PIP4P2: variants seen among roughly 807,000 people sequenced by gnomAD.
PIP4P2 encodes type 2 phosphatidylinositol 4,5-bisphosphate 4-phosphatase.
In PIP4P2, 19 loss-of-function variants were observed where a neutral mutation model predicts 33.3. That is an observed-to-expected ratio of 0.57 (90% CI 0.40 to 0.84). The LOEUF is 0.84. Among genes scored for constraint, PIP4P2 ranks in the 40% least tolerant of loss-of-function variants. The probability of loss-of-function intolerance (pLI) is 0.00; values close to 1 mark genes in which losing one functional copy is unlikely to be tolerated. For missense variants in PIP4P2, 270 were observed against 324.7 expected, an observed-to-expected ratio of 0.83 and a Z score of 1.29; for synonymous variants, 110 against 111.9, an observed-to-expected ratio of 0.98 and a Z score of 0.11.
At chr8:91,008,273 G>C (rs777286607) in intron 5 of PIP4P2, among the ~76,000 whole-genome samples, 5 of 151,956 alleles carry the variant, frequency 3.3e-5, no homozygotes, top group Non-Finnish European at 7.4e-5. Flanking sequence ...TAGGAATAGA[G>C]AGAAATAGGC....
At chr8:91,006,224 G>A (rs1811760992) in intron 5 of PIP4P2, among the ~76,000 whole-genome samples, 1 of 152,202 alleles carries the variant, frequency 6.6e-6, no homozygotes, top group African/African-American at 2.4e-5. Context: ...AGCTAGGAGT[G>A]TTCATGTGGT....
At chr8:91,027,799 T>C (rs977146008) in intron 1 of PIP4P2, among the ~76,000 whole-genome samples, 1 of 152,138 alleles carries the variant, frequency 6.6e-6, no homozygotes, top group Non-Finnish European at 1.5e-5. Flanking sequence ...CAATCAAAGG[T>C]ATACAGAGTT....
chr8:91,022,647 G>C (rs1812027388), intron 1 of PIP4P2, among the ~76,000 whole-genome samples: 1 of 152,056 alleles, frequency 6.6e-6, no homozygotes, highest in Non-Finnish European at 1.5e-5. Context: ...TTGAAATAAA[G>C]GTTTTCTATC....
At chr8:91,033,839 G>A (rs1388117049) in intron 1 of PIP4P2, among the ~76,000 whole-genome samples, 1 of 152,204 alleles carries the variant, frequency 6.6e-6, no homozygotes, top group East Asian at 1.9e-4. Flanking sequence ...GAGTACAATG[G>A]CACAATCGCA....
intron 5 of PIP4P2, among the ~76,000 whole-genome samples, chr8:91,003,923 T>C (rs537357641): frequency 1.3e-5 from 2 of 150,740 alleles, no homozygotes; most frequent in East Asian, 2.0e-4. Flanking sequence ...TTAGTCAGGG[T>C]TCTCCAGAAA....
chr8:91,034,808 A>T (rs920047762), intron 1 of PIP4P2, among the ~76,000 whole-genome samples: 1 of 152,230 alleles, frequency 6.6e-6, no homozygotes, highest in Admixed American at 6.5e-5. Context: ...CAATCCACAG[A>T]CAACCTTATA....
chr8:91,029,840 G>A (rs748422359), intron 1 of PIP4P2, among the ~76,000 whole-genome samples: 197 of 152,106 alleles, frequency 1.3e-3, no homozygotes, highest in Admixed American at 2.8e-3. Context: ...GGTGGCGGGC[G>A]CCTGTAGTTC....
intron 1 of PIP4P2, among the ~76,000 whole-genome samples, chr8:91,026,791 C>T (rs564213450): frequency 6.6e-6 from 1 of 152,116 alleles, no homozygotes; most frequent in East Asian, 1.9e-4. Flanking sequence ...AAATGCTATG[C>T]CAAACTCCTT....
Position 91,018,515 on chromosome 8 carries a change from T to C in PIP4P2, c.363-2A>G, listed in dbSNP as rs369556779. On this transcript the variant is annotated splice_acceptor_variant, in intron 3 of 6. Transcript: ENST00000285419. LOFTEE classifies it high-confidence loss of function. ...GGGCCAAGGTTAATTATCCGTCTAC[T>C]GTGAAAAGAGAAAGGAAACAACTTC... The C allele has an allele frequency of 4.3e-6, 7 of 1,611,878 alleles. No homozygotes were observed. The highest frequency in any genetic ancestry group is 2.7e-5 in the African/African-American group (2 of 73,806).
chr8:91,021,111 G>T, intron 2 of PIP4P2, 145 bp downstream of exon 2: 1 of 940,290 alleles, frequency 1.1e-6, no homozygotes, highest in Non-Finnish European at 1.5e-6. Context: ...TGATGAAAGA[G>T]AGACAGAAGA....
chr8:91,033,123 T>C (rs1045382379), intron 1 of PIP4P2, among the ~76,000 whole-genome samples: 1 of 152,250 alleles, frequency 6.6e-6, no homozygotes. Context: ...AAAATGCTAC[T>C]GTACATTTAA....
In PIP4P2 at chr8:91,020,225, T is replaced by C. The variant is rs1811987661; in HGVS notation, c.294A>G (p.Arg98=). ...AAATGAGAAGACAATTACAAGGGCA[T>C]CTAACATATTTCTTGCCTGTTGGGG... ...KNPPTGKKYV[R]CPCNCLLICK... is the part of the protein sequence containing the mutation. The change falls in exon 3 of 7, where the codon AGA becomes AGG. Residue 98 remains arginine (R), a synonymous_variant. Transcript: ENST00000285419. 1 of 1,613,668 alleles carries C rather than the reference T, an allele frequency of 6.2e-7. No homozygotes were observed. The highest frequency in any genetic ancestry group is 8.5e-7 in the Non-Finnish European group (1 of 1,179,812).
chr8:91,040,638 C>T lies in PIP4P2; in HGVS notation c.106+6G>A, dbSNP rs1812292801. The T allele has an allele frequency of 5.6e-6, 9 of 1,613,612 alleles. No individual in the cohort carries two copies. Among genetic ancestry groups the T allele is most frequent in the Non-Finnish European group, 7.6e-6 (9 of 1,179,990 alleles). ...TGCAAAGTAGAGGGATCTACGCTGGCCTTACCTCTGGGGCTGCTTTCTTGC... is the reference window on the plus strand; with the variant it reads ...TGCAAAGTAGAGGGATCTACGCTGGTCTTACCTCTGGGGCTGCTTTCTTGC... On this transcript the variant is annotated splice_donor_region_variant and intron_variant, in intron 1 of 6. Transcript: ENST00000285419.
intron 3 of PIP4P2, among the ~76,000 whole-genome samples, 193 bp downstream of exon 3, chr8:91,019,964 T>G (rs1350590027): frequency 6.6e-6 from 1 of 151,970 alleles, no homozygotes; most frequent in Non-Finnish European, 1.5e-5. Context: ...TTAAGAATAT[T>G]ATATCCTACA....
At chr8:91,035,474 A>G (rs952936924) in intron 1 of PIP4P2, among the ~76,000 whole-genome samples, 2 of 152,172 alleles carry the variant, frequency 1.3e-5, no homozygotes, top group Non-Finnish European at 2.9e-5. Flanking sequence ...AAACTTTTGC[A>G]TGAAGACTCC....
Position 90,995,698 on chromosome 8 carries a change from A to G in PIP4P2, c.753T>C (p.Tyr251=). Reference sequence around the variant, plus strand: ...AAGCTTATGCAAAACTGTGTTCTGGATAACTGACTCTTATGGCTCCCCAAT... The same window carrying G: ...AAGCTTATGCAAAACTGTGTTCTGGGTAACTGACTCTTATGGCTCCCCAAT... ...ACYWGAIRVS[Y]PEHSFA Residue 251 remains tyrosine (Y), a synonymous_variant, in exon 7 of 7, where the codon TAT becomes TAC. Coordinates refer to ENST00000285419, the MANE Select transcript of PIP4P2 (RefSeq NM_018710.3). 1.2e-6 allele frequency: 2 copies of G among 1,612,728 alleles called. No homozygotes were observed. Among genetic ancestry groups the G allele is most frequent in the Non-Finnish European group, 1.7e-6 (2 of 1,179,394 alleles).
chr8:91,018,289 T>A (rs1811947918), intron 4 of PIP4P2, 101 bp downstream of exon 4: 1 of 1,533,026 alleles, frequency 6.5e-7, no homozygotes, highest in Admixed American at 1.9e-5. Context: ...ATATTTTGAT[T>A]AATTTGCATT....
intron 4 of PIP4P2, among the ~76,000 whole-genome samples, chr8:91,015,045 CT>C (rs1396447869): frequency 1.3e-5 from 2 of 152,034 alleles, no homozygotes; most frequent in African/African-American, 4.8e-5. Context: ...GACTATAGAG[CT>C]TGTGGACCAG....
intron 5 of PIP4P2, among the ~76,000 whole-genome samples, chr8:91,003,747 C>A (rs1811730313): frequency 6.6e-6 from 1 of 151,828 alleles, no homozygotes; most frequent in African/African-American, 2.4e-5. Flanking sequence ...AAGAGAAAAC[C>A]CGGATAAAGT....
Sources: gnomAD v4.1 joint callset for allele counts (sites outside exome capture counted in the v4.1 genomes callset) on GRCh38, gnomAD v4.1.1 for gene constraint, MANE v1.5 for transcripts, NCBI Gene and HGNC (gene_info 2026-07-23, HGNC 2026-07-21) for gene names.